CELF2: variants seen among roughly 807,000 people sequenced by gnomAD.
CELF2 encodes the protein CUGBP Elav-like family member 2.
A neutral mutation model predicts 62.6 loss-of-function variants in CELF2; 8 were observed. The ratio of observed to expected loss-of-function variants is 0.13; its 90% CI spans 0.07 to 0.23. The LOEUF (loss-of-function observed/expected upper bound fraction) is 0.23, where lower values mean the gene tolerates loss of function less well. Ranked by LOEUF, CELF2 falls within the 10% of genes least tolerant of loss-of-function variation. The pLI, the probability that CELF2 is intolerant of heterozygous loss-of-function variation, is 1.00. For synonymous variants in CELF2, 258 were observed against 250.0 expected (o/e 1.03, Z -0.30); for missense variants, 333 against 671.0 (o/e 0.50, Z 5.56).
the CELF2 span, among the ~76,000 whole-genome samples, chr10:10,568,039 G>A: frequency 6.6e-6 from 1 of 152,072 alleles, no homozygotes; most frequent in East Asian, 1.9e-4. Context: ...ACAGAAGAAA[G>A]AAAAACAAAA....
chr10:10,942,903 C>A (rs1237197451), intron 2 of CELF2, among the ~76,000 whole-genome samples: 3 of 152,146 alleles, frequency 2.0e-5, no homozygotes, highest in African/African-American at 4.8e-5. Flanking sequence ...TTAACTATTT[C>A]TTGGATAATT....
At chr10:11,303,099 A>T (rs2093919568) in intron 9 of CELF2, among the ~76,000 whole-genome samples, 2 of 152,170 alleles carry the variant, frequency 1.3e-5, no homozygotes, top group African/African-American at 4.8e-5. Flanking sequence ...CTTCTTCCCT[A>T]GCCGGCTCTC....
the CELF2 span, among the ~76,000 whole-genome samples, chr10:10,554,416 G>T: frequency 6.6e-6 from 1 of 152,146 alleles, no homozygotes; most frequent in Non-Finnish European, 1.5e-5. Context: ...AATGACAGAG[G>T]TTGACCCCTG....
chr10:10,474,527 G>T, the CELF2 span, among the ~76,000 whole-genome samples: 1 of 152,060 alleles, frequency 6.6e-6, no homozygotes, highest in African/African-American at 2.4e-5. Flanking sequence ...ATCTATAAAT[G>T]AGTAAATGTG....
chr10:10,526,876 G>A, the CELF2 span, among the ~76,000 whole-genome samples: 1 of 152,168 alleles, frequency 6.6e-6, no homozygotes, highest in Non-Finnish European at 1.5e-5. Context: ...CTCAGAGCTG[G>A]ACTTCTGGAC....
chr10:10,794,576 G>A (rs1008273176), upstream of CELF2: 1 of 145,778 alleles, frequency 6.9e-6, no homozygotes, highest in Non-Finnish European at 1.5e-5. Context: ...TATTTCTTTC[G>A]TAACAAACCA....
At chr10:10,672,097 T>C in the CELF2 span, among the ~76,000 whole-genome samples, 8 of 152,210 alleles carry the variant, frequency 5.3e-5, no homozygotes, top group Non-Finnish European at 1.2e-4. Flanking sequence ...TTGTTTATTT[T>C]CTCACTGTTT....
At chr10:10,765,052 A>G in the CELF2 span, among the ~76,000 whole-genome samples, 6 of 152,196 alleles carry the variant, frequency 3.9e-5, no homozygotes, top group Non-Finnish European at 7.3e-5. Context: ...GGCTACTAGT[A>G]CCACCTTTGG....
chr10:10,473,856 A>G, the CELF2 span, among the ~76,000 whole-genome samples: 1 of 152,206 alleles, frequency 6.6e-6, no homozygotes, highest in South Asian at 2.1e-4. Flanking sequence ...CCTCTAAACT[A>G]TATCTGAGCT....
chr10:11,321,132 G>A lies in CELF2; in HGVS notation c.1097-57G>A. 6.4e-7 allele frequency: 1 copy of A among 1,552,818 alleles called. No individual in the cohort carries two copies. Among genetic ancestry groups the A allele is most frequent in the Non-Finnish European group, 8.9e-7 (1 of 1,125,432 alleles). ...TTAAATGATTCTCTAACTTCCTTTG[G>A]AAAGCACTAATGAATAAGTGCTGTT... On this transcript the variant is annotated intron_variant, in intron 10 of 12. Transcript: ENST00000633077. This position sits in a 1 kb window ranked among gnomAD's most constrained non-coding sequence, Gnocchi z 6.2.
intron 1 of CELF2, among the ~76,000 whole-genome samples, chr10:10,833,788 C>G (rs2058061616): frequency 6.6e-6 from 1 of 152,116 alleles, no homozygotes; most frequent in South Asian, 2.1e-4. Context: ...GTCAGAATGG[C>G]TATTATTGAA....
chr10:10,852,751 T>A (rs2059462463), intron 1 of CELF2, among the ~76,000 whole-genome samples: 1 of 152,246 alleles, frequency 6.6e-6, no homozygotes, highest in Admixed American at 6.5e-5. Context: ...TGTTATCTCC[T>A]TTAATTGAAT....
At chr10:10,907,167 A>T (rs1241825889) in intron 1 of CELF2, among the ~76,000 whole-genome samples, 1 of 152,200 alleles carries the variant, frequency 6.6e-6, no homozygotes, top group Admixed American at 6.5e-5. Flanking sequence ...AAAAATTCGT[A>T]CAGCTTGCAA....
chr10:11,013,611 G>A (rs963523148), upstream of CELF2, among the ~76,000 whole-genome samples: 18 of 152,148 alleles, frequency 1.2e-4, no homozygotes, highest in African/African-American at 4.3e-4. The surrounding 1 kb of genome is among the most constrained non-coding windows in gnomAD (Gnocchi z 4.1). Flanking sequence ...ACCAGTGGAA[G>A]CTATTCTCAA....
intron 2 of CELF2, among the ~76,000 whole-genome samples, chr10:10,949,369 C>T (rs2048048945): frequency 6.6e-6 from 1 of 152,120 alleles, no homozygotes; most frequent in South Asian, 2.1e-4. Context: ...TCTCCCCAGA[C>T]CTGGCGTCAC....
the CELF2 span, among the ~76,000 whole-genome samples, chr10:10,726,796 A>G: frequency 6.6e-6 from 1 of 152,230 alleles, no homozygotes; most frequent in African/African-American, 2.4e-5. Context: ...TAGTATAGTA[A>G]GTGTATTAGT....
chr10:10,719,092 G>A, the CELF2 span, among the ~76,000 whole-genome samples: 5 of 149,596 alleles, frequency 3.3e-5, no homozygotes, highest in Admixed American at 6.7e-5. Flanking sequence ...TTCCTCAGTA[G>A]CTGGGACTAC....
the CELF2 span, among the ~76,000 whole-genome samples, chr10:10,489,474 G>A: frequency 6.6e-6 from 1 of 152,064 alleles, no homozygotes; most frequent in Non-Finnish European, 1.5e-5. Context: ...TATTTTTCAT[G>A]TTTCTTCATT....
At chr10:11,070,565 C>T (rs190791091) in intron 1 of CELF2, among the ~76,000 whole-genome samples, 11 of 152,276 alleles carry the variant, frequency 7.2e-5, no homozygotes, top group African/African-American at 2.6e-4. Flanking sequence ...GGAGGTTCAT[C>T]TGCATGTAGT....
Sources: allele counts gnomAD v4.1 joint callset (sites outside exome capture counted in the v4.1 genomes callset), GRCh38; gene constraint gnomAD v4.1.1; non-coding constraint Gnocchi (gnomAD v3.1); transcripts MANE v1.5; gene names NCBI Gene and HGNC (gene_info 2026-07-23, HGNC 2026-07-21).